The following RBFOX1 variants were observed in gnomAD, a reference collection of about 807,000 sequenced individuals.
RBFOX1 encodes RNA binding protein fox-1 homolog 1.
Under a neutral mutation model 57.7 loss-of-function variants are expected in RBFOX1, and 8 were observed. That is an observed-to-expected ratio of 0.14 (90% CI 0.08 to 0.25). The LOEUF is 0.25. Ranked by LOEUF, RBFOX1 falls within the 10% of genes least tolerant of loss-of-function variation. The probability of loss-of-function intolerance (pLI) is 1.00; values close to 1 mark genes in which losing one functional copy is unlikely to be tolerated. For synonymous variants in RBFOX1, 326 were observed against 222.4 expected (o/e 1.47, Z -4.15); for missense variants, 611 against 548.5 (o/e 1.11, Z -1.14).
intron 2 of RBFOX1, among the ~76,000 whole-genome samples, chr16:6,336,657 C>A (rs376800137): frequency 9.9e-5 from 15 of 152,114 alleles, no homozygotes; most frequent in Admixed American, 9.8e-4. Context: ...GCCTCTGTCT[C>A]CTCATCTCTG....
At chr16:7,647,282 C>G (rs931721872) in intron 11 of RBFOX1, among the ~76,000 whole-genome samples, 2 of 152,276 alleles carry the variant, frequency 1.3e-5, no homozygotes, top group Non-Finnish European at 2.9e-5. Context: ...TCTCTGAAAG[C>G]TCTTGCCTGT....
At chr16:7,151,927 G>A (rs1585721) in intron 4 of RBFOX1, among the ~76,000 whole-genome samples, 59,255 of 151,884 alleles carry the variant, frequency 0.39, 12,789 homozygotes, top group African/African-American at 0.59. Flanking sequence ...TATGGGGAAT[G>A]GCTGTAAATA....
chr16:5,932,066 A>G (rs2059071436), intron 4 of RBFOX1, among the ~76,000 whole-genome samples: 1 of 152,106 alleles, frequency 6.6e-6, no homozygotes, highest in Non-Finnish European at 1.5e-5. Flanking sequence ...GGCTTCCCAA[A>G]GTGTTGCGGA....
chr16:6,841,332 A>G (rs180782262), intron 3 of RBFOX1, among the ~76,000 whole-genome samples: 1 of 152,286 alleles, frequency 6.6e-6, no homozygotes, highest in East Asian at 1.9e-4. Flanking sequence ...TAGACAGCAA[A>G]CATGCATTGA....
At chr16:6,928,072 C>G (rs567610528) in intron 3 of RBFOX1, among the ~76,000 whole-genome samples, 1 of 152,122 alleles carries the variant, frequency 6.6e-6, no homozygotes, top group Non-Finnish European at 1.5e-5. Context: ...CCCCAGATGA[C>G]TGGGAGCTGC....
chr16:5,764,379 G>A lies in RBFOX1; in HGVS notation c.319-102924G>A, dbSNP rs1200127313. On this transcript the variant is annotated intron_variant, in intron 3 of 19. Transcript: ENST00000641259. ...TTTCTTCACCAGAAGCTGAGTAGATGCCAGCACCCAGCCTCTTGTAAAGCC... is the reference window on the plus strand; with the variant it reads ...TTTCTTCACCAGAAGCTGAGTAGATACCAGCACCCAGCCTCTTGTAAAGCC... Among the ~76,000 whole-genome samples, 3 of 152,224 alleles carry A rather than the reference G, an allele frequency of 2.0e-5. No individual in the cohort carries two copies. In the South Asian group the frequency reaches 6.2e-4, roughly 32 times the overall value.
chr16:6,927,097 T>G (rs2075728421), intron 3 of RBFOX1, among the ~76,000 whole-genome samples: 1 of 152,078 alleles, frequency 6.6e-6, no homozygotes, highest in South Asian at 2.1e-4. Flanking sequence ...AGCTTGAGTT[T>G]GCATTAGCTT....
chr16:6,785,447 G>T (rs762958377), intron 3 of RBFOX1, among the ~76,000 whole-genome samples: 1 of 152,162 alleles, frequency 6.6e-6, no homozygotes. Context: ...TCCTTAGGAA[G>T]AATCTAGACT....
intron 3 of RBFOX1, among the ~76,000 whole-genome samples, chr16:6,796,713 TTCTC>T (rs2084141794): frequency 1.3e-5 from 2 of 152,172 alleles, no homozygotes; most frequent in African/African-American, 4.8e-5. Context: ...TTGATGAACT[TTCTC>T]TCCTGGGTAC....
At chr16:6,838,478 C>G (rs975383593) in intron 3 of RBFOX1, among the ~76,000 whole-genome samples, 1 of 152,146 alleles carries the variant, frequency 6.6e-6, no homozygotes, top group Non-Finnish European at 1.5e-5. Context: ...TCTGAATAAC[C>G]TGCCCCTTAA....
At chr16:5,655,219 A>G (rs1312969873) in intron 3 of RBFOX1, among the ~76,000 whole-genome samples, 2 of 152,242 alleles carry the variant, frequency 1.3e-5, no homozygotes, top group Non-Finnish European at 2.9e-5. Context: ...TACTGTGGAA[A>G]TCAGGCTTGT....
chr16:6,419,423 A>G (rs886186484), intron 2 of RBFOX1, among the ~76,000 whole-genome samples: 6 of 152,336 alleles, frequency 3.9e-5, no homozygotes, highest in East Asian at 1.9e-4. Context: ...GTCTCTAAGT[A>G]GCAGCTGCTC....
chr16:6,308,639 CAG>C (rs2079843898), intron 1 of RBFOX1, among the ~76,000 whole-genome samples: 1 of 152,122 alleles, frequency 6.6e-6, no homozygotes, highest in Non-Finnish European at 1.5e-5. Flanking sequence ...TAGGCTGAGC[CAG>C]AGAGGCAGTT....
intron 4 of RBFOX1, among the ~76,000 whole-genome samples, chr16:7,056,448 G>C (rs987841014): frequency 3.9e-5 from 6 of 152,132 alleles, no homozygotes; most frequent in African/African-American, 9.7e-5. Context: ...GATCCTATAG[G>C]CTGTATTTAC....
chr16:7,693,727 G>T (rs780149650), intron 14 of RBFOX1, among the ~76,000 whole-genome samples: 1 of 152,042 alleles, frequency 6.6e-6, no homozygotes, highest in Non-Finnish European at 1.5e-5. Flanking sequence ...GTTTTTTGAC[G>T]TGTTATGTCT....
chr16:5,405,997 C>T (rs1244584151), intron 1 of RBFOX1, among the ~76,000 whole-genome samples: 15 of 152,118 alleles, frequency 9.9e-5, no homozygotes, highest in African/African-American at 3.6e-4. Flanking sequence ...TCTGGACATC[C>T]TATTACATAA....
chr16:6,768,894 A>C (rs2077825062), intron 3 of RBFOX1, among the ~76,000 whole-genome samples: 1 of 151,798 alleles, frequency 6.6e-6, no homozygotes, highest in South Asian at 2.1e-4. Context: ...ATGCTCGGCT[A>C]ATTTTTGTAT....
At chr16:6,491,211 A>G (rs548889290) in intron 2 of RBFOX1, among the ~76,000 whole-genome samples, 4 of 151,568 alleles carry the variant, frequency 2.6e-5, no homozygotes, top group African/African-American at 9.7e-5. Context: ...ATATATAGAT[A>G]TATAGTTAAA....
At chr16:7,518,048 G>A in intron 4 of RBFOX1, 99 bp from the exon 5 acceptor site, 1 of 1,451,004 alleles carries the variant, frequency 6.9e-7, no homozygotes. Context: ...CCCCTAGAAA[G>A]TACGCGGGGC....
Sources: gnomAD v4.1 joint callset for allele counts (sites outside exome capture counted in the v4.1 genomes callset) on GRCh38, gnomAD v4.1.1 for gene constraint, MANE v1.5 for transcripts, NCBI Gene and HGNC (gene_info 2026-07-23, HGNC 2026-07-21) for gene names.